The following CNNM4 variants were observed in gnomAD, a reference collection of about 807,000 sequenced individuals.
CNNM4 encodes metal transporter CNNM4.
Under a neutral mutation model 53.7 loss-of-function variants are expected in CNNM4, and 32 were observed. The ratio of observed to expected loss-of-function variants is 0.60; its 90% CI spans 0.45 to 0.80. The LOEUF (loss-of-function observed/expected upper bound fraction) is 0.80, where lower values mean the gene tolerates loss of function less well. CNNM4 is among the 30% of genes least tolerant of loss of function. CNNM4 has a pLI of 0.00. For synonymous variants in CNNM4, 410 were observed against 440.0 expected, an observed-to-expected ratio of 0.93 and a Z score of 0.85; for missense variants, 784 against 1,022.0, an observed-to-expected ratio of 0.77 and a Z score of 3.17.
rs562333827 is a variant in CNNM4 at position 96,771,081 on chromosome 2, G to A, written c.1402+8680G>A. On this transcript the variant is annotated intron_variant, in intron 1 of 6. Transcript: ENST00000377075. Reference sequence around the variant, plus strand: ...GGGGGTGGGAAGCAGCTGTCTGGCCGGTAGCTGCCATTTGCTCCAACCTGC... The same window carrying A: ...GGGGGTGGGAAGCAGCTGTCTGGCCAGTAGCTGCCATTTGCTCCAACCTGC... 1.0e-3 allele frequency among the ~76,000 whole-genome samples: 158 copies of A among 152,198 alleles called. 2 individuals carry two copies. The South Asian group carries it at 0.03, about 29-fold the overall frequency.
At chr2:96,805,418 G>GTTTTTTTTTTTTT (rs898761608) in intron 5 of CNNM4, among the ~76,000 whole-genome samples, 583 of 75,106 alleles carry the variant, frequency 7.8e-3, no homozygotes, top group Middle Eastern at 0.021. Context: ...CTTCTTTTCA[G>GTTTTTTTTTTTTT]TTTTTTTTTT....
chr2:96,777,213 G>A (rs2078932885), intron 1 of CNNM4, among the ~76,000 whole-genome samples: 1 of 151,306 alleles, frequency 6.6e-6, no homozygotes, highest in Non-Finnish European at 1.5e-5. Flanking sequence ...TAGAAACAGG[G>A]TTTCACCACG....
chr2:96,772,116 T>A (rs1305052138), intron 1 of CNNM4, among the ~76,000 whole-genome samples: 3 of 151,702 alleles, frequency 2.0e-5, no homozygotes, highest in Non-Finnish European at 2.9e-5. Context: ...GCAAGGAGGA[T>A]CCCTCCCCTA....
Position 96,766,105 on chromosome 2 carries a change from T to C in CNNM4, c.1402+3704T>C, listed in dbSNP as rs373580422. On this transcript the variant is annotated intron_variant, in intron 1 of 6. Transcript: ENST00000377075. The stretch of plus-strand genomic sequence containing the variant: ...GGCCTTTTTTTTTTTCTTTTCTTTT[T>C]TTTTTTTTTGAGACAGAGTTTCACT... Among the ~76,000 whole-genome samples the C allele has an allele frequency of 5.6e-5, 8 of 142,410 alleles. No individual in the cohort carries two copies. In the East Asian group the frequency reaches 6.3e-4, roughly 11 times the overall value. 93.4% of individuals were successfully genotyped at this position (142,410 alleles called of 152,430 possible).
chr2:96,762,183 A>G lies in CNNM4; in HGVS notation c.1184A>G (p.Asn395Ser), dbSNP rs1176714318. ...CGCAGCGATGCCATCCTGGACTTCAACACCATGTCGGAGATAATGGAAAGC... is the reference window on the plus strand; with the variant it reads ...CGCAGCGATGCCATCCTGGACTTCAGCACCATGTCGGAGATAATGGAAAGC... ...MIRSDAILDF[N>S]TMSEIMESGY... The change falls in exon 1 of 7, where the codon AAC becomes AGC. Residue 395 changes from asparagine to serine, a missense_variant. By Grantham distance (46) the Asn-to-Ser change is conservative. Around this residue, in one of 3 missense-constraint regions of CNNM4, gnomAD observed 473 missense variants for 624.6 expected, o/e 0.76. Coordinates refer to ENST00000377075, the MANE Select transcript of CNNM4 (RefSeq NM_020184.4). The G allele has an allele frequency of 3.1e-6, 5 of 1,614,172 alleles. No individual in the cohort carries two copies. Among genetic ancestry groups the G allele is most frequent in the African/African-American group, 2.7e-5 (2 of 75,040 alleles).
Position 96,762,001 on chromosome 2 carries a change from T to C in CNNM4, c.1002T>C (p.Thr334=), listed in dbSNP as rs773120249. ...TTTTTCTGGGCCAGGAGATTCGCAC[T>C]GTTTACAACCGGGAGAAGCTGATGG... is the stretch of plus-strand genomic sequence containing the variant. ...LDFFLGQEIR[T]VYNREKLMEM... is the part of the protein sequence containing the mutation. Residue 334 remains threonine, a synonymous_variant, in exon 1 of 7, where the codon ACT becomes ACC. Coordinates refer to ENST00000377075, the MANE Select transcript of CNNM4 (RefSeq NM_020184.4). 1 of 1,614,170 alleles carries C rather than the reference T, an allele frequency of 6.2e-7. No homozygotes were observed. Among genetic ancestry groups the C allele is most frequent in the East Asian group, 2.2e-5 (1 of 44,888 alleles).
intron 5 of CNNM4, among the ~76,000 whole-genome samples, chr2:96,799,954 A>G (rs543538589): frequency 5.9e-5 from 9 of 152,206 alleles, no homozygotes; most frequent in South Asian, 2.1e-4. Flanking sequence ...CTTGGAGAGG[A>G]GGCCTGTGGG....
intron 1 of CNNM4, among the ~76,000 whole-genome samples, chr2:96,777,249 G>C (rs1468899809): frequency 6.6e-6 from 1 of 151,704 alleles, no homozygotes; most frequent in Admixed American, 6.6e-5. Flanking sequence ...TCAATCTCTT[G>C]ATCTTGTGAT....
At chr2:96,794,698 G>C (rs1359141373) in intron 1 of CNNM4, among the ~76,000 whole-genome samples, 4 of 152,086 alleles carry the variant, frequency 2.6e-5, no homozygotes, top group African/African-American at 4.8e-5. Context: ...CCTAGGGTGA[G>C]TTCCTAGAAG....
At chr2:96,770,930 G>A (rs921542447) in intron 1 of CNNM4, among the ~76,000 whole-genome samples, 1 of 152,226 alleles carries the variant, frequency 6.6e-6, no homozygotes, top group African/African-American at 2.4e-5. Context: ...AGCCCGTGGG[G>A]GATGGACAGG....
In CNNM4 at chr2:96,770,098, G is replaced by C. The variant is rs546539106; in HGVS notation, c.1402+7697G>C. 3.3e-5 allele frequency among the ~76,000 whole-genome samples: 5 copies of C among 152,340 alleles called. No individual in the cohort carries two copies. In the East Asian group the frequency reaches 9.6e-4, roughly 29 times the overall value. On this transcript the variant is annotated intron_variant, in intron 1 of 6. Transcript: ENST00000377075. ...GCTGGCCCCATGCAGCCTATGGGCG[G>C]GTTCCCAAAGAGGAGCCAGCACTGA...
At chr2:96,788,413 G>A (rs774361081) in intron 1 of CNNM4, among the ~76,000 whole-genome samples, 57 of 152,106 alleles carry the variant, frequency 3.7e-4, no homozygotes, top group Non-Finnish European at 6.3e-4. Context: ...GGGAGGAAGG[G>A]AGCAACATAG....
At chr2:96,780,093 C>T (rs2078960896) in intron 1 of CNNM4, among the ~76,000 whole-genome samples, 1 of 151,528 alleles carries the variant, frequency 6.6e-6, no homozygotes, top group Non-Finnish European at 1.5e-5. Flanking sequence ...AGCCACCGCG[C>T]CTGGCCAGAC....
chr2:96,762,783 C>T (rs192095544), intron 1 of CNNM4, among the ~76,000 whole-genome samples: 3 of 151,998 alleles, frequency 2.0e-5, no homozygotes, highest in Admixed American at 6.6e-5. Context: ...GGGGAATCCA[C>T]AGGGGAAGGA....
At chr2:96,773,712 G>A (rs777238094) in intron 1 of CNNM4, among the ~76,000 whole-genome samples, 2 of 151,920 alleles carry the variant, frequency 1.3e-5, no homozygotes, top group South Asian at 2.1e-4. Flanking sequence ...ATGCGGTGGC[G>A]TGTGCCTGTA....
intron 1 of CNNM4, among the ~76,000 whole-genome samples, chr2:96,762,700 CAG>C (rs771150436): frequency 3.9e-5 from 6 of 152,068 alleles, no homozygotes; most frequent in Non-Finnish European, 5.9e-5. Context: ...CAGAGTAAGA[CAG>C]ATGCCTGAAA....
intron 1 of CNNM4, among the ~76,000 whole-genome samples, chr2:96,764,707 G>A (rs1371924692): frequency 6.6e-6 from 1 of 152,160 alleles, no homozygotes; most frequent in African/African-American, 2.4e-5. Context: ...GAGTTTCTTG[G>A]CCAGGCGCGG....
intron 1 of CNNM4, among the ~76,000 whole-genome samples, chr2:96,784,173 G>A (rs1399007450): frequency 1.3e-5 from 2 of 152,140 alleles, no homozygotes; most frequent in East Asian, 1.9e-4. Flanking sequence ...AGGCTGAGGC[G>A]GGAGAATCAC....
In CNNM4 at chr2:96,808,789, G is replaced by C. The variant is rs199613079; in HGVS notation, c.2130+47G>C. 258 of 1,584,942 alleles carry C rather than the reference G, an allele frequency of 1.6e-4. No individual in the cohort carries two copies. The African/African-American group carries it at 3.2e-3, about 20-fold the overall frequency. On this transcript the variant is annotated intron_variant, in intron 6 of 6. Coordinates refer to ENST00000377075, the MANE Select transcript of CNNM4 (RefSeq NM_020184.4). This position sits in a 1 kb window ranked among gnomAD's most constrained non-coding sequence, Gnocchi z 4.9. ...CTGGGCAGTGCTATCTTCTGCTCAGGAATCAGCTACTACTTTCATCCACCA... is the reference window on the plus strand; with the variant it reads ...CTGGGCAGTGCTATCTTCTGCTCAGCAATCAGCTACTACTTTCATCCACCA...
Sources: allele counts gnomAD v4.1 joint callset (sites outside exome capture counted in the v4.1 genomes callset), GRCh38; gene constraint gnomAD v4.1.1; regional missense constraint gnomAD v4.1.1; non-coding constraint Gnocchi (gnomAD v3.1); transcripts MANE v1.5; gene names NCBI Gene and HGNC (gene_info 2026-07-23, HGNC 2026-07-21).